SLC17A1: variants seen among roughly 807,000 people sequenced by gnomAD.
The protein encoded by SLC17A1 is solute carrier family 17 member 1.
A neutral mutation model predicts 53.5 loss-of-function variants in SLC17A1; 51 were observed. The observed-to-expected ratio is 0.95, with a 90% CI of 0.76 to 1.20. SLC17A1 has a LOEUF of 1.20. Among genes scored for constraint, SLC17A1 ranks in the 50% most tolerant of loss-of-function variants. The pLI is 0.00. For synonymous variants in SLC17A1, 179 were observed against 198.8 expected, an observed-to-expected ratio of 0.90 and a Z score of 0.84; for missense variants, 538 against 568.2, an observed-to-expected ratio of 0.95 and a Z score of 0.54.
chr6:25,785,976 T>C (rs1034566904), intron 12 of SLC17A1, among the ~76,000 whole-genome samples: 1 of 152,212 alleles, frequency 6.6e-6, no homozygotes, highest in Admixed American at 6.5e-5. Context: ...TGTAGGTATA[T>C]ACCCCACAAA....
rs1382324999 is a variant in SLC17A1, at chr6:25,783,088, G to A, written c.*133C>T. The A allele has an allele frequency of 5.9e-5, 9 of 152,074 alleles. No individual in the cohort carries two copies. Among genetic ancestry groups the A allele is most frequent in the East Asian group, 3.9e-4 (2 of 5,192 alleles). The allele number at this position is 152,074 out of a possible 1,614,324, so 9.4% of individuals were successfully genotyped here. A position where few individuals can be genotyped will look rare whatever the true frequency, so the allele number is the denominator to read the frequency against. ...ACAGGATATGTGGGAGGGTAAAACT[G>A]GCCCCTAGGACTCCTCCTACCACCT... On this transcript the variant is annotated 3_prime_UTR_variant, in exon 13 of 13. Transcript: ENST00000244527.
At chr6:25,811,249 C>T in intron 10 of SLC17A1, 149 bp downstream of exon 10, 1 of 767,050 alleles carries the variant, frequency 1.3e-6, no homozygotes. Flanking sequence ...CACAAAAATG[C>T]TAAGTGTGTG....
In SLC17A1 at chr6:25,826,614, A is replaced by C. The variant is rs1764755039; in HGVS notation, c.54T>G (p.Phe18Leu). ...PPKKVPGFCS[F>L]RYGLSFLVHC... ...GCACAAGGAAAGACAATCCATAGCG[A>C]AAGGAACAGAAACCTGGAACTACAA... The change falls in exon 3 of 13, where the codon TTT becomes TTG. Residue 18 changes from phenylalanine (F) to leucine (L), a missense_variant. Transcript: ENST00000244527. 6.3e-7 allele frequency: 1 copy of C among 1,574,880 alleles called. No individual in the cohort carries two copies. Among genetic ancestry groups the C allele is most frequent in the South Asian group, 1.2e-5 (1 of 84,710 alleles).
the SLC17A1 span, among the ~76,000 whole-genome samples, chr6:25,757,281 TAAG>T: frequency 1.3e-5 from 2 of 152,152 alleles, no homozygotes; most frequent in African/African-American, 4.8e-5. Flanking sequence ...TTTATATTAA[TAAG>T]AATAGTCCTT....
the SLC17A1 span, among the ~76,000 whole-genome samples, chr6:25,776,384 A>C: frequency 3.3e-5 from 5 of 152,066 alleles, 1 homozygote; most frequent in East Asian, 7.7e-4. Context: ...TTTTATATAT[A>C]AAGAGAGCCT....
At chr6:25,821,927 T>C (rs531899756) in intron 3 of SLC17A1, among the ~76,000 whole-genome samples, 3 of 152,236 alleles carry the variant, frequency 2.0e-5, no homozygotes, top group South Asian at 4.1e-4. Context: ...CAGGTATCAA[T>C]AGATAATTTA....
chr6:25,727,485 G>C, the SLC17A1 span, among the ~76,000 whole-genome samples: 4 of 149,948 alleles, frequency 2.7e-5, no homozygotes, highest in African/African-American at 9.8e-5. Flanking sequence ...TCTGCCTCCT[G>C]AGTTCACGCC....
At chr6:25,750,641 G>GAA in the SLC17A1 span, among the ~76,000 whole-genome samples, 1 of 151,096 alleles carries the variant, frequency 6.6e-6, no homozygotes, top group South Asian at 2.1e-4. Context: ...GTCAGAGAGA[G>GAA]AGAGAGAGAG....
chr6:25,774,828 A>AT, the SLC17A1 span, among the ~76,000 whole-genome samples: 7 of 152,196 alleles, frequency 4.6e-5, no homozygotes, highest in Admixed American at 3.9e-4. Context: ...CCTTCAGGGC[A>AT]TTTTCTCACA....
rs1764219202 is a variant in SLC17A1, at chr6:25,813,154, C to T, written c.676G>A (p.Asp226Asn). 1 of 1,613,976 alleles carries T rather than the reference C, an allele frequency of 6.2e-7. No homozygotes were observed. Among genetic ancestry groups the T allele is most frequent in the Non-Finnish European group, 8.5e-7 (1 of 1,180,022 alleles). The part of the protein sequence containing the change: ...WFVLFYDDPK[D>N]HPCISISEKE... Reference sequence around the variant, plus strand: ...TCACTGATGCTTATACATGGGTGGTCTTTGGGGTCATCATAAAACAGAACG... The same window carrying T: ...TCACTGATGCTTATACATGGGTGGTTTTTGGGGTCATCATAAAACAGAACG... Residue 226 changes from aspartate (D) to asparagine (N), a missense_variant, in exon 7 of 13, where the codon GAC becomes AAC. Coordinates refer to ENST00000244527, the MANE Select transcript of SLC17A1 (RefSeq NM_005074.5).
intron 10 of SLC17A1, among the ~76,000 whole-genome samples, chr6:25,807,204 T>C (rs1389035595): frequency 1.3e-5 from 2 of 152,002 alleles, no homozygotes; most frequent in Non-Finnish European, 2.9e-5. Context: ...AATAAATCAT[T>C]GTAAAAACAA....
At chr6:25,827,525 A>G (rs1182320360) in intron 2 of SLC17A1, among the ~76,000 whole-genome samples, 1 of 152,138 alleles carries the variant, frequency 6.6e-6, no homozygotes, top group Non-Finnish European at 1.5e-5. Flanking sequence ...AAAACAGGCA[A>G]AGTTAATCTA....
At chr6:25,821,420 A>G (rs1764556868) in intron 3 of SLC17A1, among the ~76,000 whole-genome samples, 2 of 152,194 alleles carry the variant, frequency 1.3e-5, no homozygotes, top group Non-Finnish European at 2.9e-5. Context: ...GAAGTTCCAG[A>G]TCTTTTCCAC....
intron 11 of SLC17A1, among the ~76,000 whole-genome samples, chr6:25,799,981 G>T (rs937276807): frequency 1.3e-5 from 2 of 152,116 alleles, no homozygotes; most frequent in Non-Finnish European, 2.9e-5. Context: ...TCCTCTTTAT[G>T]GGAAATGTGG....
chr6:25,819,554 A>G lies in SLC17A1; in HGVS notation c.486T>C (p.Ala162=). 6.2e-7 allele frequency: 1 copy of G among 1,614,164 alleles called. No individual in the cohort carries two copies. The highest frequency in any genetic ancestry group is 8.5e-7 in the Non-Finnish European group (1 of 1,180,016). ...TAQFEIYVKW[A]PPLERGRLTS... is the part of the protein sequence containing the mutation. ...TAAGTCGGCCTCGTTCCAGGGGAGG[A>G]GCCCATTTGACATATATTTCAAACT... The change falls in exon 5 of 13, where the codon GCT becomes GCC. Residue 162 remains alanine (A), a synonymous_variant. Coordinates refer to ENST00000244527, the MANE Select transcript of SLC17A1 (RefSeq NM_005074.5).
intron 10 of SLC17A1, among the ~76,000 whole-genome samples, chr6:25,804,044 T>C (rs1763873421): frequency 1.3e-5 from 2 of 152,182 alleles, no homozygotes; most frequent in African/African-American, 4.8e-5. Flanking sequence ...ATATGACAGA[T>C]GCATACATCT....
At chr6:25,826,395 T>C in intron 3 of SLC17A1, 66 bp downstream of exon 3, 2 of 1,325,262 alleles carry the variant, frequency 1.5e-6, no homozygotes, top group Non-Finnish European at 2.1e-6. Flanking sequence ...CAATTCCATA[T>C]CTACACAAAT....
At position 25,823,636 on chromosome 6, in the gene SLC17A1, C is replaced by CT. The variant is rs200002952; in HGVS notation, c.207+2824dup. On this transcript the variant is annotated intron_variant, in intron 3 of 12. Coordinates refer to ENST00000244527, the MANE Select transcript of SLC17A1 (RefSeq NM_005074.5). Reference sequence around the variant, plus strand: ...CCTTTGGTGAAATAGCTGTTCACATCTTTTTTTTCCATTTTTGTATTGGGT... The same window carrying CT: ...CCTTTGGTGAAATAGCTGTTCACATCTTTTTTTTTCCATTTTTGTATTGGGT... Among the ~76,000 whole-genome samples the CT allele has an allele frequency of 6.9e-4, 105 of 151,860 alleles. 1 individual carries two copies. The highest frequency in any genetic ancestry group is 4.9e-3 in the Admixed American group (75 of 15,236).
At chr6:25,777,899 T>C in the SLC17A1 span, 1 of 1,583,134 alleles carries the variant, frequency 6.3e-7, no homozygotes, top group Non-Finnish European at 8.7e-7. Context: ...TACTTGGTTA[T>C]AATAGAGTAC....
Sources: allele counts gnomAD v4.1 joint callset (sites outside exome capture counted in the v4.1 genomes callset), GRCh38; gene constraint gnomAD v4.1.1; transcripts MANE v1.5; gene names NCBI Gene and HGNC (gene_info 2026-07-23, HGNC 2026-07-21).